The following CAPZA1 variants were observed in gnomAD, a reference collection of about 807,000 sequenced individuals.
CAPZA1 encodes capping actin protein of muscle Z-line subunit alpha 1.
Under a neutral mutation model 40.8 loss-of-function variants are expected in CAPZA1, and 10 were observed. That is an observed-to-expected ratio of 0.25 (90% confidence interval 0.15 to 0.42). The LOEUF is 0.42. Among genes scored for constraint, CAPZA1 ranks in the 10% least tolerant of loss-of-function variants. The pLI is 1.00. For missense variants in CAPZA1, 277 were observed against 353.8 expected (o/e 0.78, Z 1.74); for synonymous variants, 98 against 115.0 (o/e 0.85, Z 0.95).
intron 1 of CAPZA1, among the ~76,000 whole-genome samples, chr1:112,624,297 C>A (rs1294085226): frequency 6.6e-6 from 1 of 151,888 alleles, no homozygotes; most frequent in Non-Finnish European, 1.5e-5. Flanking sequence ...TAGAGACATC[C>A]ATTTAGTGGA....
intron 1 of CAPZA1, among the ~76,000 whole-genome samples, chr1:112,630,364 TAG>T (rs1039107836): frequency 1.4e-4 from 22 of 152,126 alleles, no homozygotes; most frequent in Middle Eastern, 6.8e-3. Context: ...TTATTTTTGT[TAG>T]AGAGTCTCAC....
chr1:112,629,426 T>A (rs1670877861), intron 1 of CAPZA1, among the ~76,000 whole-genome samples: 1 of 152,264 alleles, frequency 6.6e-6, no homozygotes, highest in African/African-American at 2.4e-5. Context: ...TAATCTTCTC[T>A]GTTGTCTTTA....
At chr1:112,640,390 C>T (rs1166777698) in intron 1 of CAPZA1, among the ~76,000 whole-genome samples, 2 of 120,746 alleles carry the variant, frequency 1.7e-5, no homozygotes, top group Admixed American at 1.7e-4. Context: ...CCCGGCCAGC[C>T]GCCCCGTCCG....
Position 112,654,540 on chromosome 1 carries a change from G to T in CAPZA1, c.295G>T (p.Asp99Tyr). 6.2e-7 allele frequency: 1 copy of T among 1,613,982 alleles called. No individual in the cohort carries two copies. The highest frequency in any genetic ancestry group is 8.5e-7 in the Non-Finnish European group (1 of 1,179,940). ...DPRNKISFKF[D>Y]HLRKEASDPQ... ...AAGAAACAAAATTTCCTTTAAATTT[G>T]ACCACTTACGGAAAGAAGCAAGTGA... Residue 99 changes from aspartate to tyrosine, a missense_variant, in exon 5 of 10, where the codon GAC (aspartate) becomes TAC (tyrosine). Physicochemically the swap from Asp to Tyr is radical, Grantham distance 160 (BLOSUM62 -3). This residue lies in a region of CAPZA1 where 192 missense variants were observed against 277.2 expected (regional missense o/e 0.69). Transcript: ENST00000263168.
intron 1 of CAPZA1, among the ~76,000 whole-genome samples, chr1:112,638,172 A>G (rs1437934329): frequency 6.6e-6 from 1 of 152,182 alleles, no homozygotes; most frequent in Non-Finnish European, 1.5e-5. Flanking sequence ...GAGACTAAAT[A>G]AAGATTGGAG....
At chr1:112,627,624 G>A (rs12081105) in intron 1 of CAPZA1, among the ~76,000 whole-genome samples, 1,712 of 105,612 alleles carry the variant, frequency 0.016, 50 homozygotes, top group African/African-American at 0.061. Context: ...CCGACAGTGC[G>A]AGACTCTGTC....
intron 1 of CAPZA1, among the ~76,000 whole-genome samples, chr1:112,640,478 G>A (rs1671128819): frequency 7.3e-6 from 1 of 137,120 alleles, no homozygotes; most frequent in Admixed American, 7.6e-5. Context: ...CGCCCAGTCC[G>A]GGAGGGAGGT....
intron 1 of CAPZA1, among the ~76,000 whole-genome samples, chr1:112,639,715 A>G (rs1671094052): frequency 6.6e-6 from 1 of 152,048 alleles, no homozygotes; most frequent in Admixed American, 6.6e-5. Context: ...AAAAAATTAA[A>G]GGATGAGGGA....
chr1:112,633,705 C>T (rs973781592), intron 1 of CAPZA1, among the ~76,000 whole-genome samples: 2 of 152,100 alleles, frequency 1.3e-5, no homozygotes, highest in Non-Finnish European at 2.9e-5. Context: ...ATTTACATTC[C>T]CACCAACAGA....
intron 8 of CAPZA1, among the ~76,000 whole-genome samples, chr1:112,667,536 G>A (rs1267727513): frequency 6.6e-6 from 1 of 152,050 alleles, no homozygotes; most frequent in Admixed American, 6.6e-5. Flanking sequence ...GTTTGGTGGT[G>A]GTGGTCTATT....
chr1:112,630,194 G>A (rs1215105747), intron 1 of CAPZA1, among the ~76,000 whole-genome samples: 2 of 151,922 alleles, frequency 1.3e-5, no homozygotes, highest in East Asian at 1.9e-4. Context: ...CTGCAGGCAC[G>A]CAACTAATTT....
intron 6 of CAPZA1, 135 bp downstream of exon 6, chr1:112,659,236 A>AT: frequency 1.5e-6 from 1 of 658,990 alleles, no homozygotes; most frequent in East Asian, 2.7e-5. Flanking sequence ...AGGGATTTAG[A>AT]TTCCTTACAG....
intron 1 of CAPZA1, among the ~76,000 whole-genome samples, chr1:112,636,658 C>T (rs1216565930): frequency 6.6e-6 from 1 of 151,678 alleles, no homozygotes; most frequent in Non-Finnish European, 1.5e-5. Context: ...TTTTGTTCAA[C>T]TAAAACCTTC....
chr1:112,657,405 T>A (rs989312988), intron 5 of CAPZA1, among the ~76,000 whole-genome samples: 1 of 152,190 alleles, frequency 6.6e-6, no homozygotes, highest in South Asian at 2.1e-4. Context: ...TATCTACTTC[T>A]GAACCCTTTA....
intron 1 of CAPZA1, chr1:112,620,826 A>T (rs182677439): frequency 6.6e-6 from 1 of 152,238 alleles, no homozygotes. Context: ...GCACAGTTTC[A>T]TAACAGTTTG....
At chr1:112,631,306 G>T (rs1670911932) in intron 1 of CAPZA1, among the ~76,000 whole-genome samples, 1 of 152,180 alleles carries the variant, frequency 6.6e-6, no homozygotes, top group Non-Finnish European at 1.5e-5. Flanking sequence ...ACATAACTCA[G>T]AATTCAGTGA....
At chr1:112,637,996 G>A (rs1022098517) in intron 1 of CAPZA1, among the ~76,000 whole-genome samples, 3 of 152,184 alleles carry the variant, frequency 2.0e-5, no homozygotes, top group East Asian at 1.9e-4. Flanking sequence ...GACTTTGGGG[G>A]ATGTTGGACA....
rs1207412941 is a variant in CAPZA1, at chr1:112,671,581, G to A, written c.*1449G>A. 4 of 152,516 alleles carry A rather than the reference G, an allele frequency of 2.6e-5. No homozygotes were observed. The highest frequency in any genetic ancestry group is 5.9e-5 in the Non-Finnish European group (4 of 68,010). 9.4% of individuals were successfully genotyped at this position (152,516 alleles called of 1,614,324 possible). On this transcript the variant is annotated 3_prime_UTR_variant, in exon 10 of 10. Coordinates refer to ENST00000263168, the MANE Select transcript of CAPZA1 (RefSeq NM_006135.3). ...CATACCACACTATCTTCTGTATCAGGTAGTCTAATAGAAATATACCTGTTT... is the reference window on the plus strand; with the variant it reads ...CATACCACACTATCTTCTGTATCAGATAGTCTAATAGAAATATACCTGTTT...
At chr1:112,620,000 G>A in intron 1 of CAPZA1, 117 bp downstream of exon 1, 1 of 786,382 alleles carries the variant, frequency 1.3e-6, no homozygotes, top group South Asian at 1.6e-5. Context: ...GGTCCATGCT[G>A]ACATACGCTC....
Sources: gnomAD v4.1 joint callset for allele counts (sites outside exome capture counted in the v4.1 genomes callset) on GRCh38, gnomAD v4.1.1 for gene constraint, gnomAD v4.1.1 regional missense constraint, MANE v1.5 for transcripts, NCBI Gene and HGNC (gene_info 2026-07-23, HGNC 2026-07-21) for gene names.